The following PAG1 variants were observed in gnomAD, a reference collection of about 807,000 sequenced individuals.
The protein encoded by PAG1 is phosphoprotein associated with glycosphingolipid-enriched microdomains 1.
Under a neutral mutation model 31.7 loss-of-function variants are expected in PAG1, and 23 were observed. The ratio of observed to expected loss-of-function variants is 0.73; its 90% CI spans 0.52 to 1.03. PAG1 has a LOEUF of 1.03. Ranked by LOEUF, PAG1 falls within the 50% of genes least tolerant of loss-of-function variation. The pLI is 0.00. For synonymous variants in PAG1, 214 were observed against 210.3 expected, an observed-to-expected ratio of 1.02 and a Z score of -0.15; for missense variants, 473 against 540.7, an observed-to-expected ratio of 0.87 and a Z score of 1.24.
chr8:80,980,515 C>G (rs1289206800), intron 7 of PAG1, 21 bp from the exon 8 acceptor site: 2 of 1,544,884 alleles, frequency 1.3e-6, no homozygotes, highest in East Asian at 2.2e-5. Flanking sequence ...AAACACAAGC[C>G]AAGGAAAGTA....
chr8:81,077,282 T>C lies in PAG1; in HGVS notation c.-233-7112A>G, dbSNP rs934509634. On this transcript the variant is annotated intron_variant, in intron 1 of 8. Coordinates refer to ENST00000220597, the MANE Select transcript of PAG1 (RefSeq NM_018440.4). ...TGCTTCATTTTACAGCTGAGAAAGTTTGGGACCCAGACAGCCTAAGTGATT... is the reference window on the plus strand; with the variant it reads ...TGCTTCATTTTACAGCTGAGAAAGTCTGGGACCCAGACAGCCTAAGTGATT... 5.9e-5 allele frequency among the ~76,000 whole-genome samples: 9 copies of C among 152,216 alleles called. No individual in the cohort carries two copies. In the East Asian group the frequency reaches 1.5e-3, roughly 26 times the overall value.
chr8:81,095,212 C>A (rs181062605), intron 1 of PAG1, among the ~76,000 whole-genome samples: 106 of 152,308 alleles, frequency 7.0e-4, no homozygotes, highest in Non-Finnish European at 1.1e-3. Context: ...GAGGTCCAAT[C>A]TGGGTTTGGA....
rs762748597 is a variant in PAG1 at position 80,976,777 on chromosome 8, T to C, written c.1066A>G (p.Asn356Asp). The change falls in exon 9 of 9, where the codon AAT (asparagine) becomes GAT (aspartate). Residue 356 changes from asparagine to aspartate, a missense_variant. Transcript: ENST00000220597. ...TCTTTAACAGTAGCATAGAGATCAT[T>C]ACAGGAGGAGGGTGACCTCTGTGGG... is the stretch of plus-strand genomic sequence containing the variant. ...GDPQRSPSSC[N>D]DLYATVKDFE... 1.2e-6 allele frequency: 2 copies of C among 1,614,070 alleles called. No homozygotes were observed. Among genetic ancestry groups the C allele is most frequent in the East Asian group, 2.2e-5 (1 of 44,896 alleles).
chr8:81,083,713 T>TCCA (rs1809305347), intron 1 of PAG1, among the ~76,000 whole-genome samples: 4 of 152,212 alleles, frequency 2.6e-5, no homozygotes, highest in Admixed American at 1.3e-4. Context: ...GTTGGTGTTT[T>TCCA]CCACTTGCTG....
intron 1 of PAG1, among the ~76,000 whole-genome samples, chr8:81,082,459 G>A (rs1809285809): frequency 6.6e-6 from 1 of 152,056 alleles, no homozygotes; most frequent in Non-Finnish European, 1.5e-5. Flanking sequence ...TCAGTCTTCT[G>A]TTAAATGTGG....
At chr8:81,023,996 C>T (rs1257436859) in intron 3 of PAG1, among the ~76,000 whole-genome samples, 1 of 152,254 alleles carries the variant, frequency 6.6e-6, no homozygotes, top group East Asian at 1.9e-4. Context: ...CAGTAAATGA[C>T]TAATTATAAA....
intron 2 of PAG1, among the ~76,000 whole-genome samples, chr8:81,059,090 G>GTA (rs1402092042): frequency 2.0e-5 from 3 of 151,888 alleles, no homozygotes; most frequent in Non-Finnish European, 4.4e-5. Flanking sequence ...ATATACTTAA[G>GTA]TATATATATA....
chr8:81,065,331 C>T (rs1018750052), intron 2 of PAG1, among the ~76,000 whole-genome samples: 9 of 152,002 alleles, frequency 5.9e-5, no homozygotes, highest in African/African-American at 2.2e-4. Context: ...TTTTCTTCTT[C>T]TTCTTTTTTT....
At chr8:81,053,048 G>A (rs912721387) in intron 2 of PAG1, among the ~76,000 whole-genome samples, 5 of 152,204 alleles carry the variant, frequency 3.3e-5, no homozygotes, top group African/African-American at 4.8e-5. Flanking sequence ...TAGCATAATT[G>A]TAATTGTAAA....
At chr8:81,066,766 C>A (rs977390584) in intron 2 of PAG1, among the ~76,000 whole-genome samples, 1 of 152,116 alleles carries the variant, frequency 6.6e-6, no homozygotes, top group African/African-American at 2.4e-5. Flanking sequence ...ATAGGTGAAG[C>A]CATGGTGGCA....
intron 1 of PAG1, among the ~76,000 whole-genome samples, chr8:81,088,946 C>T (rs1401620918): frequency 1.3e-5 from 2 of 152,176 alleles, no homozygotes; most frequent in Admixed American, 6.5e-5. Flanking sequence ...TTTGAGAAAG[C>T]ATTGTACTAC....
At chr8:81,097,672 A>G (rs1485608150) in intron 1 of PAG1, among the ~76,000 whole-genome samples, 1 of 151,696 alleles carries the variant, frequency 6.6e-6, no homozygotes, top group African/African-American at 2.4e-5. Context: ...ACCTTCAGAC[A>G]GAGATTTTGG....
Position 80,976,584 on chromosome 8 carries a change from A to G in PAG1, c.1259T>C (p.Ile420Thr). 1 of 1,613,768 alleles carries G rather than the reference A, an allele frequency of 6.2e-7. No individual in the cohort carries two copies. The highest frequency in any genetic ancestry group is 8.5e-7 in the Non-Finnish European group (1 of 1,179,906). ...LVPKENDYES[I>T]SDLQQGRDIT... Reference sequence around the variant, plus strand: ...ATCTCTGCCTTGCTGCAAGTCACTTATGCTCTCGTAGTCGTTCTCCTTTGG... The same window carrying G: ...ATCTCTGCCTTGCTGCAAGTCACTTGTGCTCTCGTAGTCGTTCTCCTTTGG... The change falls in exon 9 of 9, where the codon ATA becomes ACA. Residue 420 changes from isoleucine (I) to threonine (T), a missense_variant. By Grantham distance (89) the Ile-to-Thr change is moderately conservative. Transcript: ENST00000220597.
chr8:81,018,755 T>C (rs1808113621), intron 3 of PAG1, among the ~76,000 whole-genome samples: 1 of 152,196 alleles, frequency 6.6e-6, no homozygotes. Flanking sequence ...CTTTCCCTTA[T>C]AAATTACCCA....
At chr8:81,093,511 C>T (rs1397469760) in intron 1 of PAG1, among the ~76,000 whole-genome samples, 1 of 152,132 alleles carries the variant, frequency 6.6e-6, no homozygotes, top group Non-Finnish European at 1.5e-5. Context: ...TAACTGTCTT[C>T]CTTTCAAGAT....
intron 8 of PAG1, among the ~76,000 whole-genome samples, chr8:80,979,186 G>A (rs1215540359): frequency 1.3e-5 from 2 of 152,266 alleles, no homozygotes; most frequent in East Asian, 1.9e-4. Flanking sequence ...ACAAACAAAT[G>A]TAAGATAAGG....
chr8:81,110,622 C>T (rs1415061556), intron 1 of PAG1, among the ~76,000 whole-genome samples: 2 of 152,188 alleles, frequency 1.3e-5, no homozygotes, highest in African/African-American at 4.8e-5. Flanking sequence ...ACAATTTCCA[C>T]TTTTTCTAAA....
At chr8:81,110,576 C>A (rs996702979) in intron 1 of PAG1, among the ~76,000 whole-genome samples, 3 of 152,224 alleles carry the variant, frequency 2.0e-5, no homozygotes, top group African/African-American at 7.2e-5. Context: ...CCCATCAGTA[C>A]ACTTAACTTT....
intron 1 of PAG1, among the ~76,000 whole-genome samples, chr8:81,099,804 A>G (rs2131103538): frequency 6.6e-6 from 1 of 152,344 alleles, no homozygotes; most frequent in Admixed American, 6.5e-5. Context: ...ACAGTTCCCT[A>G]GCTCTGTACG....
Sources: allele counts gnomAD v4.1 joint callset (sites outside exome capture counted in the v4.1 genomes callset), GRCh38; gene constraint gnomAD v4.1.1; transcripts MANE v1.5; gene names NCBI Gene and HGNC (gene_info 2026-07-23, HGNC 2026-07-21).